CPNE4: variants seen among roughly 807,000 people sequenced by gnomAD.
The protein encoded by CPNE4 is copine 4.
Under a neutral mutation model 67.9 loss-of-function variants are expected in CPNE4, and 25 were observed. The observed-to-expected ratio is 0.37, with a 90% CI of 0.27 to 0.51. The LOEUF is 0.51. CPNE4 is among the 20% of genes least tolerant of loss of function. The pLI is 0.93. For synonymous variants in CPNE4, 242 were observed against 244.9 expected (o/e 0.99, Z 0.11); for missense variants, 464 against 690.8 (o/e 0.67, Z 3.68).
rs565415311 is a variant in CPNE4, at chr3:131,838,596, A to G, written c.180+66668T>C. ...AATAATAATAATGTTGATGAACATTAAAGTATTCCTTAAAGGCTTTTACCA... is the reference window on the plus strand; with the variant it reads ...AATAATAATAATGTTGATGAACATTGAAGTATTCCTTAAAGGCTTTTACCA... On this transcript the variant is annotated intron_variant, in intron 2 of 15. Coordinates refer to ENST00000429747, the MANE Select transcript of CPNE4 (RefSeq NM_130808.3). Among the ~76,000 whole-genome samples, 3 of 129,808 alleles carry G rather than the reference A, an allele frequency of 2.3e-5. No homozygotes were observed. The Admixed American group carries it at 2.6e-4, about 11-fold the overall frequency. The allele number at this position is 129,808 out of a possible 152,430, so 85.2% of individuals were successfully genotyped here.
chr3:131,854,439 T>A (rs1471418673), intron 2 of CPNE4, among the ~76,000 whole-genome samples: 1 of 151,890 alleles, frequency 6.6e-6, no homozygotes, highest in African/African-American at 2.4e-5. Flanking sequence ...TTTTGGGTGA[T>A]TTTTACCTAA....
At chr3:131,867,971 AC>A (rs1416339365) in intron 2 of CPNE4, among the ~76,000 whole-genome samples, 1 of 152,106 alleles carries the variant, frequency 6.6e-6, no homozygotes, top group Non-Finnish European at 1.5e-5. Flanking sequence ...GAAATGGACA[AC>A]CCTAGTTCCT....
intron 7 of CPNE4, among the ~76,000 whole-genome samples, chr3:131,615,889 T>TCACACACACACA (rs1317031280): frequency 2.1e-4 from 21 of 100,322 alleles, no homozygotes; most frequent in African/African-American, 1.3e-3. Flanking sequence ...CATCTCTCTC[T>TCACACACACACA]CTCACACACA....
At chr3:131,852,723 T>A (rs2086284943) in intron 2 of CPNE4, among the ~76,000 whole-genome samples, 1 of 151,832 alleles carries the variant, frequency 6.6e-6, no homozygotes, top group Non-Finnish European at 1.5e-5. Context: ...ACATGCAATA[T>A]TATTTTGTAC....
chr3:131,721,550 C>T (rs2107743006), intron 3 of CPNE4, among the ~76,000 whole-genome samples: 1 of 152,132 alleles, frequency 6.6e-6, no homozygotes, highest in African/African-American at 2.4e-5. Context: ...CACCTGCCAC[C>T]ACACCCGGCT....
At chr3:131,850,302 T>C (rs1236626774) in intron 2 of CPNE4, among the ~76,000 whole-genome samples, 16 of 152,078 alleles carry the variant, frequency 1.1e-4, no homozygotes, top group Non-Finnish European at 2.9e-5. Context: ...ATGGGGATGA[T>C]GTCTATAGGA....
chr3:131,675,959 G>T (rs572356273), intron 6 of CPNE4, among the ~76,000 whole-genome samples: 67 of 147,426 alleles, frequency 4.5e-4, no homozygotes, highest in Middle Eastern at 3.5e-3. Context: ...AATTTATTGG[G>T]TTTTTTTTGG....
At chr3:131,891,940 C>T (rs1274665431) in intron 2 of CPNE4, among the ~76,000 whole-genome samples, 1 of 152,002 alleles carries the variant, frequency 6.6e-6, no homozygotes, top group East Asian at 1.9e-4. Flanking sequence ...TACTTTTCAA[C>T]TAGAATAACT....
chr3:131,986,010 T>C (rs185832529), intron 1 of CPNE4: 43 of 154,264 alleles, frequency 2.8e-4, no homozygotes, highest in Non-Finnish European at 4.7e-4. Flanking sequence ...TATATCCATC[T>C]TTTTATATTT....
chr3:131,874,380 G>A (rs1204485522), intron 2 of CPNE4, among the ~76,000 whole-genome samples: 6 of 152,124 alleles, frequency 3.9e-5, no homozygotes, highest in Non-Finnish European at 8.8e-5. Context: ...GAGCCACCGC[G>A]CCTGGCCTCA....
chr3:131,619,132 G>C (rs906195875), intron 7 of CPNE4, among the ~76,000 whole-genome samples: 5 of 152,152 alleles, frequency 3.3e-5, no homozygotes, highest in African/African-American at 1.2e-4. Context: ...AGGCAGATAA[G>C]GATATCTAGT....
At chr3:131,725,295 G>C (rs182893904) in intron 2 of CPNE4, among the ~76,000 whole-genome samples, 1 of 152,166 alleles carries the variant, frequency 6.6e-6, no homozygotes, top group African/African-American at 2.4e-5. Context: ...ATGTATGTGA[G>C]AGAAAATTGT....
chr3:131,607,726 G>T (rs1330152479), intron 7 of CPNE4, among the ~76,000 whole-genome samples: 1 of 152,088 alleles, frequency 6.6e-6, no homozygotes, highest in Non-Finnish European at 1.5e-5. Context: ...AGGTATTAAT[G>T]AAAAATTAAA....
intron 1 of CPNE4, among the ~76,000 whole-genome samples, chr3:131,990,606 T>C (rs1289906270): frequency 7.3e-6 from 1 of 136,714 alleles, no homozygotes; most frequent in Non-Finnish European, 1.7e-5. Context: ...TGAAAAGACT[T>C]GGATTATTTT....
intron 2 of CPNE4, among the ~76,000 whole-genome samples, chr3:131,837,217 G>A (rs926627908): frequency 1.3e-5 from 2 of 152,012 alleles, no homozygotes; most frequent in African/African-American, 4.8e-5. Context: ...ATTCCTGAGT[G>A]TTTACACTAG....
intron 2 of CPNE4, among the ~76,000 whole-genome samples, chr3:131,818,407 G>C (rs185655244): frequency 2.0e-5 from 3 of 152,256 alleles, no homozygotes; most frequent in African/African-American, 7.2e-5. Context: ...TAATAGGTGT[G>C]AATTTTTGTG....
chr3:131,863,444 T>C (rs1355952034), intron 2 of CPNE4, among the ~76,000 whole-genome samples: 1 of 152,260 alleles, frequency 6.6e-6, no homozygotes, highest in Non-Finnish European at 1.5e-5. Flanking sequence ...TCGATTTGCA[T>C]TTCTCTGATG....
At chr3:131,792,892 A>AGT (rs1553772420) in intron 2 of CPNE4, among the ~76,000 whole-genome samples, 24,642 of 127,766 alleles carry the variant, frequency 0.19, 2,664 homozygotes, top group South Asian at 0.27. Context: ...AGGTATTTCC[A>AGT]GTGTGTGTGT....
intron 1 of CPNE4, among the ~76,000 whole-genome samples, chr3:131,960,001 A>G (rs1009793452): frequency 6.6e-6 from 1 of 152,242 alleles, no homozygotes; most frequent in Non-Finnish European, 1.5e-5. Flanking sequence ...GATCATTAAA[A>G]TGATGGAAAT....
Sources: gnomAD v4.1 joint callset for allele counts (sites outside exome capture counted in the v4.1 genomes callset) on GRCh38, gnomAD v4.1.1 for gene constraint, MANE v1.5 for transcripts, NCBI Gene and HGNC (gene_info 2026-07-23, HGNC 2026-07-21) for gene names.